CLCN4: variants seen among roughly 807,000 people sequenced by gnomAD.
CLCN4 encodes H(+)/Cl(-) exchange transporter 4.
A neutral mutation model predicts 41.7 loss-of-function variants in CLCN4; 1 was observed. That is an observed-to-expected ratio of 0.02 (90% CI 0.01 to 0.11). CLCN4 has a LOEUF of 0.11. Ranked by LOEUF, CLCN4 falls within the 10% of genes least tolerant of loss-of-function variation. The probability of loss-of-function intolerance (pLI) is 1.00; values close to 1 mark genes in which losing one functional copy is unlikely to be tolerated. For synonymous variants in CLCN4, 277 were observed against 285.8 expected (o/e 0.97, Z 0.31); for missense variants, 287 against 661.0 (o/e 0.43, Z 6.20).
At chrX:10,162,677 T>C (rs1834659848) in intron 2 of CLCN4, among the ~76,000 whole-genome samples, 1 of 112,526 alleles carries the variant, frequency 8.9e-6, no homozygotes, top group Non-Finnish European at 1.9e-5. Flanking sequence ...ATATCGCATG[T>C]CATGTAGCCT....
rs773030599 is a variant in CLCN4 at position 10,186,475 on chromosome X, C to T, written c.145-1040C>T. 1.5e-4 allele frequency among the ~76,000 whole-genome samples: 17 copies of T among 111,113 alleles called. No homozygotes were observed. The East Asian group carries it at 4.9e-3, about 32-fold the overall frequency. On this transcript the variant is annotated intron_variant, in intron 3 of 12. Transcript: ENST00000380833. The stretch of plus-strand genomic sequence containing the variant: ...AGGGTGTTGTGTAGGGGCCTGCTCA[C>T]AAGGTCACCCTCTATGGAGAGGTCA...
chrX:10,187,906 C>A (rs1395342968), intron 4 of CLCN4, among the ~76,000 whole-genome samples: 1 of 111,723 alleles, frequency 9.0e-6, no homozygotes, highest in Non-Finnish European at 1.9e-5. Flanking sequence ...CTTACTATAC[C>A]GGATTTGACT....
rs763871197 is a variant in CLCN4 at position 10,194,894 on chromosome X, C to T, written c.245-17C>T. Reference sequence around the variant, plus strand: ...CATGGGGCGATTCCTCTTAGTGGCTCGTGTTACTTCTTCCAGGCACCTTGG... The same window carrying T: ...CATGGGGCGATTCCTCTTAGTGGCTTGTGTTACTTCTTCCAGGCACCTTGG... On this transcript the variant is annotated splice_polypyrimidine_tract_variant and intron_variant, in intron 4 of 12. Transcript: ENST00000380833. 11 of 1,207,023 alleles carry T rather than the reference C, an allele frequency of 9.1e-6. No homozygotes were observed. Among genetic ancestry groups the T allele is most frequent in the East Asian group, 5.9e-5 (2 of 33,800 alleles).
chrX:10,191,130 GA>G (rs977767865), intron 4 of CLCN4, among the ~76,000 whole-genome samples: 6 of 111,500 alleles, frequency 5.4e-5, no homozygotes, highest in African/African-American at 2.0e-4. Context: ...GTCGATTTTA[GA>G]ATAATTTTAT....
chrX:10,228,351 C>G (rs971697801), intron 12 of CLCN4, among the ~76,000 whole-genome samples: 2 of 109,857 alleles, frequency 1.8e-5, no homozygotes, highest in Admixed American at 2.0e-4. Context: ...TCCAGGTCTC[C>G]TATCTCCTGA....
In CLCN4 at chrX:10,216,918, T is replaced by TATATATATATATACACACAC. The variant is rs773265490; in HGVS notation, c.1975+2840_1975+2841insTATATATATATACACACACA. Among the ~76,000 whole-genome samples, 13 of 38,929 alleles carry TATATATATATATACACACAC rather than the reference T, an allele frequency of 3.3e-4. No homozygotes were observed. In the East Asian group the frequency reaches 7.9e-3, roughly 24 times the overall value. 33.8% of individuals were successfully genotyped at this position (38,929 alleles called of 115,157 possible). A position where few individuals can be genotyped will look rare whatever the true frequency, so the allele number is the denominator to read the frequency against. On this transcript the variant is annotated intron_variant, in intron 11 of 12. Transcript: ENST00000380833. Reference sequence around the variant, plus strand: ...GTGTGTATATATATATATATATATATACACACACACACATAGAGGGACTTC... The same window carrying TATATATATATATACACACAC: ...GTGTGTATATATATATATATATATATATATATATATATACACACACACACACACACACATAGAGGGACTTC...
chrX:10,188,405 A>G (rs1204542920), intron 4 of CLCN4, among the ~76,000 whole-genome samples: 1 of 112,263 alleles, frequency 8.9e-6, no homozygotes, highest in Non-Finnish European at 1.9e-5. Context: ...AGGCAGGCCC[A>G]GGGGCCTCCA....
At chrX:10,214,230 A>C in intron 11 of CLCN4, 151 bp downstream of exon 11, 2 of 565,948 alleles carry the variant, frequency 3.5e-6, no homozygotes, top group Non-Finnish European at 5.3e-6. Context: ...GGTCTGGCTC[A>C]AAAGCAGATT....
chrX:10,160,313 C>T (rs1439473280), intron 2 of CLCN4, among the ~76,000 whole-genome samples: 2 of 111,812 alleles, frequency 1.8e-5, no homozygotes, highest in Non-Finnish European at 3.8e-5. Flanking sequence ...TTGGAAAACA[C>T]AATGTGAAGG....
chrX:10,205,472 C>CAA (rs758694004), intron 6 of CLCN4, among the ~76,000 whole-genome samples: 664 of 52,849 alleles, frequency 0.013, 15 homozygotes, highest in African/African-American at 0.034. Context: ...GACTCCATCT[C>CAA]AAAAAAAAAA....
intron 9 of CLCN4, among the ~76,000 whole-genome samples, chrX:10,210,260 T>G (rs998455314): frequency 2.7e-5 from 3 of 112,077 alleles, no homozygotes; most frequent in Admixed American, 1.9e-4. Flanking sequence ...TTGTGTTGTT[T>G]CCACCTTTTG....
chrX:10,187,072 G>A (rs1225078119), intron 3 of CLCN4, among the ~76,000 whole-genome samples: 1 of 111,855 alleles, frequency 8.9e-6, no homozygotes, highest in Non-Finnish European at 1.9e-5. Context: ...TTCTAAGTTC[G>A]TGCTGCTAAA....
chrX:10,212,837 G>GCACATACACACACACACA (rs199932119), intron 10 of CLCN4, among the ~76,000 whole-genome samples, 184 bp downstream of exon 10: 1 of 106,564 alleles, frequency 9.4e-6, no homozygotes, highest in African/African-American at 3.5e-5. Context: ...CGCTCACTAT[G>GCACATACACACACACACA]CAGACACACA....
At chrX:10,216,745 C>T (rs1311221305) in intron 11 of CLCN4, among the ~76,000 whole-genome samples, 6 of 105,165 alleles carry the variant, frequency 5.7e-5, no homozygotes, top group Non-Finnish European at 7.8e-5. Flanking sequence ...AAGGGGTCTA[C>T]ATCCAGCACT....
chrX:10,216,918 T>TATACACACAC (rs773265490), intron 11 of CLCN4, among the ~76,000 whole-genome samples: 12 of 38,931 alleles, frequency 3.1e-4, no homozygotes, highest in Admixed American at 2.5e-3. Flanking sequence ...TATATATATA[T>TATACACACAC]ACACACACAC....
chrX:10,177,955 G>A (rs1923576209), intron 2 of CLCN4, among the ~76,000 whole-genome samples: 1 of 111,960 alleles, frequency 8.9e-6, no homozygotes, highest in African/African-American at 3.2e-5. Context: ...AATAAAAAGG[G>A]GTGAAGCACT....
chrX:10,227,943 T>A (rs772167861), intron 12 of CLCN4, among the ~76,000 whole-genome samples: 25 of 111,817 alleles, frequency 2.2e-4, no homozygotes, highest in Non-Finnish European at 3.6e-4. Context: ...TTCTTTTTTT[T>A]AAATTATTTT....
At chrX:10,160,343 T>C (rs953053662) in intron 2 of CLCN4, among the ~76,000 whole-genome samples, 4 of 112,038 alleles carry the variant, frequency 3.6e-5, no homozygotes, top group African/African-American at 1.3e-4. Context: ...GCTGTGAATT[T>C]CCAGAAATAG....
intron 3 of CLCN4, among the ~76,000 whole-genome samples, chrX:10,186,850 A>G (rs1239514120): frequency 8.9e-6 from 1 of 112,048 alleles, no homozygotes; most frequent in Non-Finnish European, 1.9e-5. Flanking sequence ...TTTGTGCTAC[A>G]GTGGCAGGGT....
Sources: allele counts gnomAD v4.1 joint callset (sites outside exome capture counted in the v4.1 genomes callset), GRCh38; gene constraint gnomAD v4.1.1; transcripts MANE v1.5; gene names NCBI Gene and HGNC (gene_info 2026-07-23, HGNC 2026-07-21).